The following LSS variants were observed in gnomAD, a reference collection of about 807,000 sequenced individuals.
LSS encodes lanosterol synthase, also known as 2,3-epoxysqualene-lanosterol cyclase.
In LSS, 90 loss-of-function variants were observed where a neutral mutation model predicts 110.3. That is an observed-to-expected ratio of 0.82 (90% CI 0.69 to 0.97). LSS has a LOEUF of 0.97. Among genes scored for constraint, LSS ranks in the 50% least tolerant of loss-of-function variants. LSS has a pLI of 0.00. For synonymous variants in LSS, 433 were observed against 400.0 expected (o/e 1.08, Z -0.98); for missense variants, 927 against 990.0 (o/e 0.94, Z 0.85).
chr21:46,211,351 T>G (rs982967848), intron 11 of LSS, among the ~76,000 whole-genome samples: 5 of 152,130 alleles, frequency 3.3e-5, no homozygotes, highest in African/African-American at 7.2e-5. Context: ...GGATGGTCTC[T>G]ATCTCCTGAC....
chr21:46,226,998 T>C (rs979369243), intron 3 of LSS, among the ~76,000 whole-genome samples: 1 of 152,234 alleles, frequency 6.6e-6, no homozygotes, highest in African/African-American at 2.4e-5. Context: ...CATAAATTCA[T>C]AGGAGGGAAT....
In LSS at chr21:46,191,444, A is replaced by G. The variant is rs2187119; in HGVS notation, c.2068-209T>C. Among the ~76,000 whole-genome samples the G allele has an allele frequency of 0.17, 26,540 of 152,138 alleles. 2,676 individuals are homozygous for G. The highest frequency in any genetic ancestry group is 0.22 in the Non-Finnish European group (15,119 of 67,986). ...AGCTCAGACTCCCCGCCCTGCAGCA[A>G]ACCCTAAGCCAGGGTCACCAGCCCC... On this transcript the variant is annotated intron_variant, in intron 21 of 21. Coordinates refer to ENST00000397728, the MANE Select transcript of LSS (RefSeq NM_002340.6).
At chr21:46,218,763 G>A (rs1219795249) in intron 6 of LSS, among the ~76,000 whole-genome samples, 1 of 141,726 alleles carries the variant, frequency 7.1e-6, no homozygotes, top group East Asian at 2.0e-4. Flanking sequence ...GTCTCACTCC[G>A]TCGCCAGGCT....
chr21:46,194,538 G>A lies in LSS; in HGVS notation c.1941C>T (p.Ser647=). The A allele has an allele frequency of 1.2e-6, 2 of 1,613,866 alleles. No individual in the cohort carries two copies. The highest frequency in any genetic ancestry group is 1.7e-6 in the Non-Finnish European group (2 of 1,180,026). The change falls in exon 20 of 22, where the codon TCC becomes TCT. Residue 647 remains serine, a synonymous_variant. Transcript: ENST00000397728. ...EERRYLQSAQ[S]QIHNTCWAMM... ...TGGCCCAGCATGTGTTATGGATCTG[G>A]GACTGGGCACTCTGCAAATAACGCC...
intron 17 of LSS, among the ~76,000 whole-genome samples, chr21:46,199,843 C>G: frequency 6.6e-6 from 1 of 152,204 alleles, no homozygotes; most frequent in Admixed American, 6.5e-5. Flanking sequence ...GCAGTGAGAT[C>G]CTGTGTGACA....
chr21:46,206,818 CA>C, intron 15 of LSS, 50 bp from the exon 16 acceptor site: 1 of 1,373,020 alleles, frequency 7.3e-7, no homozygotes, highest in Non-Finnish European at 1.0e-6. Flanking sequence ...TGAGCACACA[CA>C]GGCGCCCAGG....
chr21:46,200,189 G>A (rs1171350036), intron 17 of LSS, among the ~76,000 whole-genome samples: 1 of 152,146 alleles, frequency 6.6e-6, no homozygotes, highest in African/African-American at 2.4e-5. Flanking sequence ...TGCGTCCACA[G>A]TGATAAATAA....
At chr21:46,200,410 T>G (rs567597657) in intron 17 of LSS, among the ~76,000 whole-genome samples, 1 of 152,166 alleles carries the variant, frequency 6.6e-6, no homozygotes, top group East Asian at 1.9e-4. Context: ...AGCAACTTCA[T>G]AGCGGAGAAA....
rs2079784576 is a variant in LSS at position 46,189,998 on chromosome 21, G to A, written c.*1106C>T. ...TAGAAGGGAGCTCACAGGATTGCCTGGGGAAGCCTCGGCCCAAAACCTGGC... is the reference window on the plus strand; with the variant it reads ...TAGAAGGGAGCTCACAGGATTGCCTAGGGAAGCCTCGGCCCAAAACCTGGC... On this transcript the variant is annotated 3_prime_UTR_variant, in exon 22 of 22. Coordinates refer to ENST00000397728, the MANE Select transcript of LSS (RefSeq NM_002340.6). 1 of 293,140 alleles carries A rather than the reference G, an allele frequency of 3.4e-6. No individual in the cohort carries two copies. The highest frequency in any genetic ancestry group is 6.7e-6 in the Non-Finnish European group (1 of 149,996). The allele number at this position is 293,140 out of a possible 1,614,324, so 18.2% of individuals were successfully genotyped here. A position where few individuals can be genotyped will look rare whatever the true frequency, so the allele number is the denominator to read the frequency against.
intron 21 of LSS, 45 bp downstream of exon 21, chr21:46,191,836 G>A: frequency 6.6e-7 from 1 of 1,521,130 alleles, no homozygotes; most frequent in East Asian, 2.3e-5. Flanking sequence ...ATGCACGCTG[G>A]AGGTCAGTGC....
At position 46,190,388 on chromosome 21, in the gene LSS, G is replaced by A. The variant is rs1371156070; in HGVS notation, c.*716C>T. On this transcript the variant is annotated 3_prime_UTR_variant, in exon 22 of 22. Transcript: ENST00000397728. The surrounding 1 kb of genome is among the most constrained non-coding windows in gnomAD (Gnocchi z 4.6). ...GCTCCCTGCTGCACAGACTTGGGAT[G>A]TTCCATGACAGACCCTGCATATGCA... 1 of 153,406 alleles carries A rather than the reference G, an allele frequency of 6.5e-6. No individual in the cohort carries two copies. Among genetic ancestry groups the A allele is most frequent in the African/African-American group, 2.5e-5 (1 of 39,686 alleles). The allele number at this position is 153,406 out of a possible 1,614,324, so 9.5% of individuals were successfully genotyped here.
At chr21:46,226,335 A>C (rs2080339550) in intron 3 of LSS, among the ~76,000 whole-genome samples, 1 of 152,146 alleles carries the variant, frequency 6.6e-6, no homozygotes, top group African/African-American at 2.4e-5. Flanking sequence ...ACAGAGGCAA[A>C]GTGGGGCTGA....
In LSS at chr21:46,194,597, C is replaced by T; in HGVS notation, c.1882G>A (p.Gly628Ser). 1 of 1,613,874 alleles carries T rather than the reference C, an allele frequency of 6.2e-7. No individual in the cohort carries two copies. The highest frequency in any genetic ancestry group is 8.5e-7 in the Non-Finnish European group (1 of 1,180,028). ...FLLSRQMADGGWGEDFESCEE... is the reference protein window; with the variant it reads ...FLLSRQMADGSWGEDFESCEE... Reference sequence around the variant, plus strand: ...CAGGACTCAAAGTCCTCCCCCCAGCCTCCGTCTGCCATCTGCCGGGACAGC... The same window carrying T: ...CAGGACTCAAAGTCCTCCCCCCAGCTTCCGTCTGCCATCTGCCGGGACAGC... Residue 628 changes from glycine to serine, a missense_variant, in exon 20 of 22, where the codon GGC becomes AGC. Gly to Ser is a moderately conservative substitution (Grantham distance 56). Coordinates refer to ENST00000397728, the MANE Select transcript of LSS (RefSeq NM_002340.6).
chr21:46,227,742 CG>C (rs1319918283), intron 2 of LSS, 52 bp from the exon 3 acceptor site: 5 of 1,601,656 alleles, frequency 3.1e-6, no homozygotes, highest in Non-Finnish European at 4.3e-6. Context: ...GACTGTTGCC[CG>C]GCCAGAGGAA....
At chr21:46,200,316 A>T (rs1328635502) in intron 17 of LSS, among the ~76,000 whole-genome samples, 1 of 152,268 alleles carries the variant, frequency 6.6e-6, no homozygotes, top group Admixed American at 6.5e-5. Context: ...AATCATCATC[A>T]AATGCTAACA....
At chr21:46,191,731 GCC>G (rs2079818491) in intron 21 of LSS, 148 bp downstream of exon 21, 2 of 677,952 alleles carry the variant, frequency 3.0e-6, no homozygotes, top group South Asian at 3.3e-5. Context: ...CCACAGACCT[GCC>G]ACCAACTGTG....
chr21:46,195,099 C>T (rs1023101516), intron 19 of LSS, among the ~76,000 whole-genome samples: 6 of 152,144 alleles, frequency 3.9e-5, no homozygotes, highest in African/African-American at 1.4e-4. Flanking sequence ...AGATCTCCTG[C>T]CTTCTAACCC....
intron 17 of LSS, among the ~76,000 whole-genome samples, chr21:46,200,196 A>G (rs2079961898): frequency 6.6e-6 from 1 of 152,256 alleles, no homozygotes; most frequent in African/African-American, 2.4e-5. Context: ...ACAGTGATAA[A>G]TAAGTAAATA....
At chr21:46,219,435 C>T (rs1296715779) in intron 6 of LSS, 41 bp downstream of exon 6, 2 of 1,473,932 alleles carry the variant, frequency 1.4e-6, no homozygotes, top group Non-Finnish European at 1.9e-6. Flanking sequence ...CTCCCCGGGA[C>T]AGCAGCAGCG....
Sources: allele counts gnomAD v4.1 joint callset (sites outside exome capture counted in the v4.1 genomes callset), GRCh38; gene constraint gnomAD v4.1.1; non-coding constraint Gnocchi (gnomAD v3.1); transcripts MANE v1.5; gene names NCBI Gene and HGNC (gene_info 2026-07-23, HGNC 2026-07-21).